The following C16orf89 variants were observed in gnomAD, a reference collection of about 807,000 sequenced individuals.
The protein encoded by C16orf89 is UPF0764 protein C16orf89.
In C16orf89, 57 loss-of-function variants were observed where a neutral mutation model predicts 41.5. The observed-to-expected ratio is 1.38, with a 90% CI of 1.11 to 1.71. C16orf89 has a LOEUF of 1.71. Among genes scored for constraint, C16orf89 ranks in the 40% most tolerant of loss-of-function variants. The pLI, the probability that C16orf89 is intolerant of heterozygous loss-of-function variation, is 0.00. For missense variants in C16orf89, 575 were observed against 445.9 expected, an observed-to-expected ratio of 1.29 and a Z score of -2.61; for synonymous variants, 223 against 190.6, an observed-to-expected ratio of 1.17 and a Z score of -1.40.
At chr16:5,045,240 G>C (rs1956273825) in intron 7 of C16orf89, among the ~76,000 whole-genome samples, 1 of 152,200 alleles carries the variant, frequency 6.6e-6, no homozygotes, top group Admixed American at 6.5e-5. Context: ...GGAAACTGAG[G>C]CTTGGGTAGC....
At chr16:5,046,743 A>T (rs1956304934) in intron 7 of C16orf89, among the ~76,000 whole-genome samples, 1 of 151,694 alleles carries the variant, frequency 6.6e-6, no homozygotes, top group Non-Finnish European at 1.5e-5. Flanking sequence ...CCTTTCTTCT[A>T]CGTTATTTCT....
At chr16:5,056,030 C>G in intron 5 of C16orf89, 23 bp downstream of exon 5, 1 of 1,572,906 alleles carries the variant, frequency 6.4e-7, no homozygotes. Flanking sequence ...TCCTTTGCCC[C>G]GGGGGCAGAA....
At chr16:5,058,380 G>A in intron 4 of C16orf89, 113 bp downstream of exon 4, 1 of 877,416 alleles carries the variant, frequency 1.1e-6, no homozygotes, top group Non-Finnish European at 1.8e-6. Flanking sequence ...TGATCTGCCT[G>A]CCTTGGCCTC....
chr16:5,060,343 T>C lies in C16orf89; in HGVS notation c.452A>G (p.Gln151Arg). ...ACTTCTCTCCTCTGAGAATGAGTCC[T>C]GGGGCCCGAACGTGGGGTACACCAA... The part of the protein sequence containing the change: ...ASLVYPTFGP[Q>R]DSFSEERSDV... Residue 151 changes from glutamine to arginine, a missense_variant, in exon 3 of 8, where the codon CAG becomes CGG. By Grantham distance (43) the Gln-to-Arg change is conservative. Coordinates refer to ENST00000472572, the MANE Select transcript of C16orf89 (RefSeq NM_001098514.3). 1.2e-6 allele frequency: 2 copies of C among 1,613,582 alleles called. No individual in the cohort carries two copies. Among genetic ancestry groups the C allele is most frequent in the Middle Eastern group, 1.7e-4 (1 of 6,058 alleles).
Position 5,055,241 on chromosome 16 carries a change from C to A in C16orf89, c.868+5G>T. 6.2e-7 allele frequency: 1 copy of A among 1,602,366 alleles called. No homozygotes were observed. The highest frequency in any genetic ancestry group is 8.5e-7 in the Non-Finnish European group (1 of 1,171,438). On this transcript the variant is annotated splice_donor_5th_base_variant and intron_variant, in intron 6 of 7. Coordinates refer to ENST00000472572, the MANE Select transcript of C16orf89 (RefSeq NM_001098514.3). Reference sequence around the variant, plus strand: ...CTTCTTAGCCAGGGCAGCAGCGCAGCTCACCAGGCTCCCCGAAGCATCCTT... The same window carrying A: ...CTTCTTAGCCAGGGCAGCAGCGCAGATCACCAGGCTCCCCGAAGCATCCTT...
intron 1 of C16orf89, 144 bp downstream of exon 1, chr16:5,065,557 C>T (rs1956722549): frequency 3.1e-6 from 3 of 983,222 alleles, no homozygotes. Flanking sequence ...AAGATCCAGC[C>T]CCTGGCCTCC....
intron 7 of C16orf89, 122 bp from the exon 8 acceptor site, chr16:5,044,600 G>C: frequency 6.6e-7 from 1 of 1,514,618 alleles, no homozygotes; most frequent in Middle Eastern, 2.1e-4. Flanking sequence ...CCCACACTTT[G>C]GGAGCCTGAG....
intron 7 of C16orf89, among the ~76,000 whole-genome samples, chr16:5,046,497 T>A (rs957112856): frequency 2.6e-5 from 4 of 151,930 alleles, no homozygotes; most frequent in Non-Finnish European, 5.9e-5. Context: ...ATTACAGGCA[T>A]GCACCACCAC....
At position 5,056,096 on chromosome 16, in the gene C16orf89, G is replaced by C. The variant is rs1956497035; in HGVS notation, c.720C>G (p.Ala240=). Residue 240 remains alanine (A), a synonymous_variant, in exon 5 of 8, where the codon GCC becomes GCG. Coordinates refer to ENST00000472572, the MANE Select transcript of C16orf89 (RefSeq NM_001098514.3). ...CCCGGGTAGGGTAGGCGTATCCGATGGCCTCAGCTCTGCGGTTCAAGTCCA... is the reference window on the plus strand; with the variant it reads ...CCCGGGTAGGGTAGGCGTATCCGATCGCCTCAGCTCTGCGGTTCAAGTCCA... ...NMMDLNRRAE[A]IGYAYPTRDI... 1 of 1,599,654 alleles carries C rather than the reference G, an allele frequency of 6.3e-7. No individual in the cohort carries two copies. The highest frequency in any genetic ancestry group is 1.1e-5 in the South Asian group (1 of 90,822).
intron 5 of C16orf89, 74 bp from the exon 6 acceptor site, chr16:5,055,424 C>T (rs879272015): frequency 5.9e-5 from 80 of 1,345,762 alleles, no homozygotes; most frequent in African/African-American, 4.2e-4. Flanking sequence ...AGGGCTGCCA[C>T]GGTGCCACCT....
In C16orf89 at chr16:5,055,258, A is replaced by G. The variant is rs762066260; in HGVS notation, c.856T>C (p.Phe286Leu). ...LSWQKQQEGCFGEPDAEDEEL... is the reference protein window; with the variant it reads ...LSWQKQQEGCLGEPDAEDEEL... ...CAGCGCAGCTCACCAGGCTCCCCGA[A>G]GCATCCTTCCTGCTGTTTCTGCCAG... is the stretch of plus-strand genomic sequence containing the variant. Residue 286 changes from phenylalanine (F) to leucine (L), a missense_variant, in exon 6 of 8, where the codon TTC becomes CTC. By Grantham distance (22) the Phe-to-Leu change is conservative (BLOSUM62 0). Coordinates refer to ENST00000472572, the MANE Select transcript of C16orf89 (RefSeq NM_001098514.3). 1 of 1,611,580 alleles carries G rather than the reference A, an allele frequency of 6.2e-7. No individual in the cohort carries two copies. Among genetic ancestry groups the G allele is most frequent in the South Asian group, 1.1e-5 (1 of 90,776 alleles).
rs530025133 is a variant in C16orf89 at position 5,058,486 on chromosome 16, C to G, written c.627+7G>C. 1 of 1,590,152 alleles carries G rather than the reference C, an allele frequency of 6.3e-7. No individual in the cohort carries two copies. The highest frequency in any genetic ancestry group is 8.6e-7 in the Non-Finnish European group (1 of 1,161,370). ...CCTGGCACGGCGGGGGCTCCCTGGG[C>G]ACTCACCATTCTGGCCCAGAGGAAG... On this transcript the variant is annotated splice_region_variant and intron_variant, in intron 4 of 7. Transcript: ENST00000472572.
At chr16:5,048,571 A>G (rs1351120065) in intron 6 of C16orf89, among the ~76,000 whole-genome samples, 1 of 152,218 alleles carries the variant, frequency 6.6e-6, no homozygotes, top group African/African-American at 2.4e-5. Flanking sequence ...TCCCTCCAAG[A>G]TAAGCAAAAA....
intron 4 of C16orf89, 84 bp downstream of exon 4, chr16:5,058,409 A>G (rs1956551568): frequency 2.4e-6 from 3 of 1,243,188 alleles, no homozygotes. Flanking sequence ...CTTGGATTAC[A>G]GGCATGAGCC....
intron 4 of C16orf89, 45 bp downstream of exon 4, chr16:5,058,448 T>C: frequency 6.6e-7 from 1 of 1,519,320 alleles, no homozygotes; most frequent in Non-Finnish European, 9.1e-7. Flanking sequence ...TTTTCCTTTT[T>C]CCTTCCCCTT....
chr16:5,061,938 C>A (rs1010144868), intron 2 of C16orf89, among the ~76,000 whole-genome samples: 6 of 152,138 alleles, frequency 3.9e-5, no homozygotes, highest in African/African-American at 1.4e-4. Context: ...GAGAGAGACT[C>A]TCAGTGGTCA....
chr16:5,063,467 T>C (rs951990479), intron 1 of C16orf89, among the ~76,000 whole-genome samples: 7 of 152,180 alleles, frequency 4.6e-5, no homozygotes, highest in African/African-American at 1.7e-4. Context: ...TCCAGTCCAT[T>C]ACTGGTCTAT....
chr16:5,044,083 G>A, downstream of C16orf89: 1 of 1,122,376 alleles, frequency 8.9e-7, no homozygotes, highest in Non-Finnish European at 1.1e-6. Context: ...GGTTGTCCAA[G>A]GTTGTCCTCA....
intron 6 of C16orf89, among the ~76,000 whole-genome samples, chr16:5,052,099 C>CAAAAAAAAA (rs35641084): frequency 2.5e-5 from 2 of 78,732 alleles, no homozygotes; most frequent in Non-Finnish European, 4.8e-5. Flanking sequence ...GAGACTGTCT[C>CAAAAAAAAA]AAAAAAAAAA....
Sources: gnomAD v4.1 joint callset for allele counts (sites outside exome capture counted in the v4.1 genomes callset) on GRCh38, gnomAD v4.1.1 for gene constraint, MANE v1.5 for transcripts, NCBI Gene and HGNC (gene_info 2026-07-23, HGNC 2026-07-21) for gene names.